ICAM5: variants seen among roughly 807,000 people sequenced by gnomAD.
The protein encoded by ICAM5 is ICAM-5.
In ICAM5, 38 loss-of-function variants were observed where a neutral mutation model predicts 78.8. The ratio of observed to expected loss-of-function variants is 0.48; its 90% CI spans 0.37 to 0.63. The LOEUF (loss-of-function observed/expected upper bound fraction) is 0.63. Ranked by LOEUF, ICAM5 falls within the 30% of genes least tolerant of loss-of-function variation. The pLI is 0.00. For synonymous variants in ICAM5, 544 were observed against 590.9 expected (o/e 0.92, Z 1.15); for missense variants, 1,059 against 1,303.0 (o/e 0.81, Z 2.88).
rs909670506 is a variant in ICAM5, at chr19:10,293,252, T to TG, written c.1465+11dup. 2 of 1,570,144 alleles carry TG rather than the reference T, an allele frequency of 1.3e-6. No individual in the cohort carries two copies. Among genetic ancestry groups the TG allele is most frequent in the African/African-American group, 2.7e-5 (2 of 73,572 alleles). ...CGTAACGCTAACGGTGGAGTGTGAGTGGGGGTGCGCAGGGTGCATTTCTAT... is the reference window on the plus strand; with the variant it reads ...CGTAACGCTAACGGTGGAGTGTGAGTGGGGGGTGCGCAGGGTGCATTTCTAT... On this transcript the variant is annotated splice_region_variant and intron_variant, in intron 6 of 10. Transcript: ENST00000221980. The surrounding 1 kb of genome is among the most constrained non-coding windows in gnomAD (Gnocchi z 5.0).
chr19:10,296,583 C>G lies in ICAM5; in HGVS notation c.2742C>G (p.Gly914=), dbSNP rs1449937560. 4.9e-6 allele frequency: 6 copies of G among 1,216,362 alleles called. No individual in the cohort carries two copies. In the East Asian group the frequency reaches 2.0e-4, roughly 41 times the overall value. The allele number at this position is 1,216,362 out of a possible 1,614,324, so 75.3% of individuals were successfully genotyped here. ...AGGAAESPAE[G]EVFAIQLTSA is the part of the protein sequence containing the mutation. ...GCGCGGCCGAGTCGCCGGCGGAGGGCGAGGTCTTCGCCATACAGCTGACAT... is the reference window on the plus strand; with the variant it reads ...GCGCGGCCGAGTCGCCGGCGGAGGGGGAGGTCTTCGCCATACAGCTGACAT... Residue 914 remains glycine (G), a synonymous_variant, in exon 11 of 11, where the codon GGC becomes GGG. Transcript: ENST00000221980.
rs955516279 is a variant in ICAM5, at chr19:10,294,709, T to C, written c.2230+69T>C. ...AGAATGACTCGCAGCGGTGGGAGCA[T>C]TCAAGGGCACCTCTCCCAATCCCAT... On this transcript the variant is annotated intron_variant, in intron 9 of 10. Coordinates refer to ENST00000221980, the MANE Select transcript of ICAM5 (RefSeq NM_003259.4). This position sits in a 1 kb window ranked among gnomAD's most constrained non-coding sequence, Gnocchi z 7.7. 8 of 1,599,028 alleles carry C rather than the reference T, an allele frequency of 5.0e-6. No individual in the cohort carries two copies. Among genetic ancestry groups the C allele is most frequent in the Non-Finnish European group, 6.8e-6 (8 of 1,174,462 alleles).
intron 3 of ICAM5, 58 bp from the exon 4 acceptor site, chr19:10,291,977 G>C: frequency 5.1e-6 from 8 of 1,555,758 alleles, no homozygotes; most frequent in Admixed American, 1.7e-5. Context: ...TGCATGTCAA[G>C]TGCTTAGGAC....
chr19:10,296,319 C>T lies in ICAM5; in HGVS notation c.2498-20C>T, dbSNP rs1196230885. On this transcript the variant is annotated intron_variant, in intron 10 of 10. Coordinates refer to ENST00000221980, the MANE Select transcript of ICAM5 (RefSeq NM_003259.4). ...CCCCCCGGAGCTTGGCCACCCTCCG[C>T]GAGGGTCTCCACCCCGCAGGTCCGT... The T allele has an allele frequency of 8.1e-7, 1 of 1,229,696 alleles. No individual in the cohort carries two copies. Among genetic ancestry groups the T allele is most frequent in the East Asian group, 3.3e-5 (1 of 30,672 alleles). 76.2% of individuals were successfully genotyped at this position (1,229,696 alleles called of 1,614,324 possible).
chr19:10,290,518 C>G lies in ICAM5; in HGVS notation c.82+393C>G. On this transcript the variant is annotated intron_variant, in intron 1 of 10. Transcript: ENST00000221980. This position sits in a 1 kb window ranked among gnomAD's most constrained non-coding sequence, Gnocchi z 5.7. ...TACCCTGACTCAGAGGCGCTGTTCC[C>G]GCTCCACCCAGAGCCCTGGCAACCG... 1 of 220,954 alleles carries G rather than the reference C, an allele frequency of 4.5e-6. No homozygotes were observed. Among genetic ancestry groups the G allele is most frequent in the Non-Finnish European group, 8.9e-6 (1 of 112,082 alleles). The allele number at this position is 220,954 out of a possible 1,614,324, so 13.7% of individuals were successfully genotyped here. A position where few individuals can be genotyped will look rare whatever the true frequency, so the allele number is the denominator to read the frequency against.
At position 10,293,955 on chromosome 19, in the gene ICAM5, C is replaced by T. The variant is rs753531594; in HGVS notation, c.1711+12C>T. ...CGTCACGGTGGAATGTGAGTAGGGG[C>T]ACCGCGGAGTTAGGCAGGATCTGTG... On this transcript the variant is annotated intron_variant, in intron 7 of 10. Transcript: ENST00000221980. The surrounding 1 kb of genome is among the most constrained non-coding windows in gnomAD (Gnocchi z 5.0). 3 of 1,610,502 alleles carry T rather than the reference C, an allele frequency of 1.9e-6. No individual in the cohort carries two copies. In the South Asian group the frequency reaches 3.3e-5, roughly 18 times the overall value.
Position 10,293,047 on chromosome 19 carries a change from C to G in ICAM5, c.1266C>G (p.Pro422=). ...DSDCPRSWTW[P]EGPEQTLRCE... ...ACTGCCCCAGGAGTTGGACGTGGCC[C>G]GAGGGCCCAGAGCAGACGCTGCGCT... Residue 422 remains proline (P), a synonymous_variant, in exon 6 of 11, where the codon CCC becomes CCG. Coordinates refer to ENST00000221980, the MANE Select transcript of ICAM5 (RefSeq NM_003259.4). The surrounding 1 kb of genome is among the most constrained non-coding windows in gnomAD (Gnocchi z 5.0). The G allele has an allele frequency of 6.2e-7, 1 of 1,610,722 alleles. No homozygotes were observed. Among genetic ancestry groups the G allele is most frequent in the East Asian group, 2.2e-5 (1 of 44,882 alleles).
At chr19:10,296,308 G>A in intron 10 of ICAM5, 31 bp from the exon 11 acceptor site, 1 of 1,227,348 alleles carries the variant, frequency 8.1e-7, no homozygotes, top group East Asian at 3.3e-5. Flanking sequence ...CCGGAGCTTG[G>A]CCACCCTCCG....
At chr19:10,291,939 C>A in intron 3 of ICAM5, 96 bp from the exon 4 acceptor site, 1 of 1,491,968 alleles carries the variant, frequency 6.7e-7, no homozygotes, top group Non-Finnish European at 9.2e-7. Context: ...CCCCTCCGTG[C>A]CTTGAGGATG....
chr19:10,290,751 TTCTC>T lies in ICAM5; in HGVS notation c.83-318_83-315del, dbSNP rs1415287994. On this transcript the variant is annotated intron_variant, in intron 1 of 10. Coordinates refer to ENST00000221980, the MANE Select transcript of ICAM5 (RefSeq NM_003259.4). The surrounding 1 kb of genome is among the most constrained non-coding windows in gnomAD (Gnocchi z 5.7). ...CCCCCATCCCCCATCCCGGGTCCCCTTCTCTCAGCCTTGCTGTGTTCATCCAAGA... is the reference window on the plus strand; with the variant it reads ...CCCCCATCCCCCATCCCGGGTCCCCTTCAGCCTTGCTGTGTTCATCCAAGA... The T allele has an allele frequency of 7.0e-6, 3 of 427,362 alleles. No homozygotes were observed. The highest frequency in any genetic ancestry group is 1.3e-5 in the Non-Finnish European group (3 of 238,820). 26.5% of individuals were successfully genotyped at this position (427,362 alleles called of 1,614,324 possible).
intron 4 of ICAM5, 113 bp downstream of exon 4, chr19:10,292,435 G>T (rs2040181908): frequency 7.3e-7 from 1 of 1,362,758 alleles, no homozygotes; most frequent in Non-Finnish European, 9.9e-7. Flanking sequence ...CCGAGGGGCG[G>T]GGCAGGTGGG....
In ICAM5 at chr19:10,292,008, G is replaced by T. The variant is rs747788624; in HGVS notation, c.674-27G>T. Reference sequence around the variant, plus strand: ...AGGACATATTGAGCGCTCGGAGTTAGTTCAAACTTGGTTCTTCGACCCCTA... The same window carrying T: ...AGGACATATTGAGCGCTCGGAGTTATTTCAAACTTGGTTCTTCGACCCCTA... On this transcript the variant is annotated intron_variant, in intron 3 of 10. Coordinates refer to ENST00000221980, the MANE Select transcript of ICAM5 (RefSeq NM_003259.4). 12 of 1,605,874 alleles carry T rather than the reference G, an allele frequency of 7.5e-6. No homozygotes were observed. The South Asian group carries it at 1.2e-4, about 16-fold the overall frequency.
chr19:10,291,231 G>A lies in ICAM5; in HGVS notation c.242G>A (p.Arg81His). 2 of 1,612,480 alleles carry A rather than the reference G, an allele frequency of 1.2e-6. No individual in the cohort carries two copies. Among genetic ancestry groups the A allele is most frequent in the Non-Finnish European group, 1.7e-6 (2 of 1,179,928 alleles). The change falls in exon 2 of 11, where the codon CGT becomes CAT. Residue 81 changes from arginine to histidine, a missense_variant. Transcript: ENST00000221980. ...CGAAACGGGACCCAGAGGGGTTTGC[G>A]TTGGTTGGCGCGGCAGCTGGTGGAC... The part of the protein sequence containing the change: ...LRRNGTQRGL[R>H]WLARQLVDIR...
In ICAM5 at chr19:10,291,117, C is replaced by T; in HGVS notation, c.128C>T (p.Ala43Val). 2 of 1,612,072 alleles carry T rather than the reference C, an allele frequency of 1.2e-6. No individual in the cohort carries two copies. The highest frequency in any genetic ancestry group is 2.2e-5 in the East Asian group (1 of 44,864). ...PFWADLQPRV[A>V]FVERGGSLWL... ...TGGGCGGACCTGCAGCCTCGCGTGG[C>T]GTTCGTGGAGCGCGGGGGCTCGCTG... Residue 43 changes from alanine (A) to valine (V), a missense_variant, in exon 2 of 11, where the codon GCG becomes GTG. By Grantham distance (64) the Ala-to-Val change is moderately conservative. Coordinates refer to ENST00000221980, the MANE Select transcript of ICAM5 (RefSeq NM_003259.4).
rs765447145 is a variant in ICAM5 at position 10,293,657 on chromosome 19, GC to G, written c.1466-36del. On this transcript the variant is annotated intron_variant, in intron 6 of 10. Coordinates refer to ENST00000221980, the MANE Select transcript of ICAM5 (RefSeq NM_003259.4). This position sits in a 1 kb window ranked among gnomAD's most constrained non-coding sequence, Gnocchi z 5.0. Reference sequence around the variant, plus strand: ...AGGAGGGTCTAGGGACGTCAGATTTGCCCCCAAACCCCAAAGCCAACAATAC... The same window carrying G: ...AGGAGGGTCTAGGGACGTCAGATTTGCCCCAAACCCCAAAGCCAACAATAC... 30 of 1,598,920 alleles carry G rather than the reference GC, an allele frequency of 1.9e-5. No homozygotes were observed. In the African/African-American group the frequency reaches 3.9e-4, roughly 21 times the overall value.
Position 10,291,690 on chromosome 19 carries a change from T to A in ICAM5, c.554T>A (p.Val185Glu), listed in dbSNP as rs892127734. Residue 185 changes from valine to glutamate, a missense_variant, in exon 3 of 11, where the codon GTA (valine) becomes GAA (glutamate). This residue lies in a region of ICAM5 where 815 missense variants were observed against 952.8 expected (regional missense o/e 0.86). Coordinates refer to ENST00000221980, the MANE Select transcript of ICAM5 (RefSeq NM_003259.4). ...RARGAVLTAT[V>E]LARREDHGAN... ...CGGGGCGCGGTGCTCACAGCCACGGTACTGGCTCGGAGGGAGGACCATGGA... is the reference window on the plus strand; with the variant it reads ...CGGGGCGCGGTGCTCACAGCCACGGAACTGGCTCGGAGGGAGGACCATGGA... 1.2e-6 allele frequency: 2 copies of A among 1,612,400 alleles called. No individual in the cohort carries two copies. Among genetic ancestry groups the A allele is most frequent in the African/African-American group, 1.3e-5 (1 of 74,920 alleles).
chr19:10,294,108 T>A lies in ICAM5; in HGVS notation c.1780T>A (p.Phe594Ile), dbSNP rs1374797330. The change falls in exon 8 of 11, where the codon TTT (phenylalanine) becomes ATT (isoleucine). Residue 594 changes from phenylalanine (F) to isoleucine (I), a missense_variant. Coordinates refer to ENST00000221980, the MANE Select transcript of ICAM5 (RefSeq NM_003259.4). The surrounding 1 kb of genome is among the most constrained non-coding windows in gnomAD (Gnocchi z 7.7). Reference protein sequence around the residue: ...WTWVEGSGRLFSCEVDGKPQP... With the variant: ...WTWVEGSGRLISCEVDGKPQP... ...ATGGGTGGAAGGATCTGGGCGCCTG[T>A]TTTCCTGTGAGGTCGATGGGAAGCC... The A allele has an allele frequency of 6.2e-7, 1 of 1,600,256 alleles. No individual in the cohort carries two copies. The highest frequency in any genetic ancestry group is 1.8e-5 in the Admixed American group (1 of 56,374).
Position 10,292,820 on chromosome 19 carries a change from C to T in ICAM5, c.1170C>T (p.Asp390=), listed in dbSNP as rs753054026. Residue 390 remains aspartate (D), a synonymous_variant, in exon 5 of 11, where the codon GAC becomes GAT. Coordinates refer to ENST00000221980, the MANE Select transcript of ICAM5 (RefSeq NM_003259.4). The part of the protein sequence containing the change: ...SFFCDATLDV[D]GETLIKNRSA... ...TCTGCGACGCCACCCTCGATGTGGA[C>T]GGGGAGACCCTGATCAAGAACAGGA... 10 of 1,613,226 alleles carry T rather than the reference C, an allele frequency of 6.2e-6. No individual in the cohort carries two copies. Among genetic ancestry groups the T allele is most frequent in the South Asian group, 1.1e-5 (1 of 91,074 alleles).
chr19:10,295,324 C>T, intron 9 of ICAM5, 22 bp from the exon 10 acceptor site: 1 of 1,509,300 alleles, frequency 6.6e-7, no homozygotes, highest in Non-Finnish European at 8.8e-7. Flanking sequence ...CTAAGCCCCA[C>T]TTCACCTTCT....
Sources: allele counts gnomAD v4.1 joint callset, GRCh38; gene constraint gnomAD v4.1.1; regional missense constraint gnomAD v4.1.1; non-coding constraint Gnocchi (gnomAD v3.1); transcripts MANE v1.5; gene names NCBI Gene and HGNC (gene_info 2026-07-23, HGNC 2026-07-21).